PHIP: variants seen among roughly 807,000 people sequenced by gnomAD.
PHIP encodes PHIP subunit of CUL4-Ring ligase complex.
In PHIP, 54 loss-of-function variants were observed where a neutral mutation model predicts 236.8. The observed-to-expected ratio is 0.23, with a 90% confidence interval of 0.18 to 0.29. The LOEUF (loss-of-function observed/expected upper bound fraction) is 0.29. Ranked by LOEUF, PHIP falls within the 10% of genes least tolerant of loss-of-function variation. The pLI is 1.00. For missense variants in PHIP, 1,370 were observed against 2,190.8 expected, an observed-to-expected ratio of 0.63 and a Z score of 7.48; for synonymous variants, 756 against 718.9, an observed-to-expected ratio of 1.05 and a Z score of -0.83.
chr6:79,048,604 G>T (rs1772621082), intron 6 of PHIP, among the ~76,000 whole-genome samples: 1 of 151,964 alleles, frequency 6.6e-6, no homozygotes, highest in Admixed American at 6.6e-5. Context: ...ATTAACCATG[G>T]TTAAAAAAGA....
intron 27 of PHIP, among the ~76,000 whole-genome samples, chr6:78,968,311 T>C (rs977966251): frequency 6.6e-6 from 1 of 152,134 alleles, no homozygotes; most frequent in African/African-American, 2.4e-5. Context: ...AGTATCAGAG[T>C]TGATTCTTGA....
chr6:79,054,279 G>C (rs1333851687), intron 6 of PHIP, among the ~76,000 whole-genome samples: 1 of 140,582 alleles, frequency 7.1e-6, no homozygotes, highest in Non-Finnish European at 1.5e-5. Context: ...ATCATTCAGG[G>C]AAAACACTAA....
intron 15 of PHIP, among the ~76,000 whole-genome samples, chr6:79,013,601 A>C (rs560816140): frequency 2.6e-5 from 4 of 151,688 alleles, no homozygotes; most frequent in Non-Finnish European, 5.9e-5. Context: ...GTCTAAGAGC[A>C]AATCACTTAA....
At chr6:79,054,893 C>T (rs1169006846) in intron 6 of PHIP, among the ~76,000 whole-genome samples, 1 of 151,368 alleles carries the variant, frequency 6.6e-6, no homozygotes, top group African/African-American at 2.4e-5. Context: ...TTTATTCAAA[C>T]TAGTCTTCTC....
intron 39 of PHIP, among the ~76,000 whole-genome samples, chr6:78,944,592 G>A: frequency 6.6e-6 from 1 of 152,186 alleles, no homozygotes; most frequent in East Asian, 1.9e-4. Flanking sequence ...TTGCTGAAGA[G>A]AAGGCTAGGA....
chr6:78,994,088 T>C lies in PHIP; in HGVS notation c.2202-3103A>G, dbSNP rs1206122064. ...AAGACATCAGTGGAAGAAGTTACTG[T>C]AGATGTAATGGAAACGGCAAGAGAA... On this transcript the variant is annotated intron_variant, in intron 19 of 39. Coordinates refer to ENST00000275034, the MANE Select transcript of PHIP (RefSeq NM_017934.7). Among the ~76,000 whole-genome samples the C allele has an allele frequency of 5.3e-5, 8 of 152,126 alleles. No homozygotes were observed. In the East Asian group the frequency reaches 1.5e-3, roughly 29 times the overall value.
rs751061021 is a variant in PHIP at position 78,985,400 on chromosome 6, C to T, written c.2489G>A (p.Gly830Glu). The T allele has an allele frequency of 1.9e-6, 3 of 1,597,960 alleles. No individual in the cohort carries two copies. Among genetic ancestry groups the T allele is most frequent in the African/African-American group, 1.3e-5 (1 of 74,524 alleles). ...DEGEVVAVSG[G>E]TSEEEERAWH... Reference sequence around the variant, plus strand: ...TGCTCTCTCTTCTTCTTCGGATGTTCCACCACTGACAGCAACTACTTCGCC... The same window carrying T: ...TGCTCTCTCTTCTTCTTCGGATGTTTCACCACTGACAGCAACTACTTCGCC... Residue 830 changes from glycine to glutamate, a missense_variant, in exon 22 of 40, where the codon GGA (glycine) becomes GAA (glutamate). By Grantham distance (98) the Gly-to-Glu change is moderately conservative. Transcript: ENST00000275034.
intron 39 of PHIP, among the ~76,000 whole-genome samples, chr6:78,943,281 T>C (rs956648578): frequency 1.3e-5 from 2 of 152,184 alleles, no homozygotes; most frequent in East Asian, 3.9e-4. Flanking sequence ...TAATGTTAAC[T>C]AATAGATAAT....
chr6:78,997,044 G>A (rs1769667862), intron 19 of PHIP, among the ~76,000 whole-genome samples: 1 of 150,070 alleles, frequency 6.7e-6, no homozygotes, highest in Non-Finnish European at 1.5e-5. Context: ...AATATCATGT[G>A]AATGGCTGGC....
At chr6:79,004,380 T>C in intron 15 of PHIP, 1 of 984,154 alleles carries the variant, frequency 1.0e-6, no homozygotes, top group Non-Finnish European at 1.2e-6. Flanking sequence ...TACCTGATAA[T>C]TGTTTTCTGT....
At chr6:78,962,583 C>A (rs1022974139) in intron 30 of PHIP, among the ~76,000 whole-genome samples, 4 of 152,116 alleles carry the variant, frequency 2.6e-5, no homozygotes, top group Non-Finnish European at 5.9e-5. Flanking sequence ...CAAACCACCA[C>A]ATAATCTAGT....
Position 79,016,537 on chromosome 6 carries a change from C to A in PHIP, c.1235+7G>T. ...ATATACATAATATTTCAAATTTGAC[C>A]TCTTACCCTGCTGGACGAGTAGCCA... On this transcript the variant is annotated splice_region_variant and intron_variant, in intron 13 of 39. Coordinates refer to ENST00000275034, the MANE Select transcript of PHIP (RefSeq NM_017934.7). 6.3e-7 allele frequency: 1 copy of A among 1,581,104 alleles called. No individual in the cohort carries two copies. Among genetic ancestry groups the A allele is most frequent in the Non-Finnish European group, 8.7e-7 (1 of 1,151,530 alleles).
intron 7 of PHIP, among the ~76,000 whole-genome samples, chr6:79,039,400 T>C (rs1352736824): frequency 6.6e-6 from 1 of 152,170 alleles, no homozygotes; most frequent in Non-Finnish European, 1.5e-5. Context: ...CTGTTACTTC[T>C]CTAGTAAATT....
intron 34 of PHIP, 45 bp downstream of exon 34, chr6:78,955,187 T>C: frequency 7.4e-7 from 1 of 1,347,490 alleles, no homozygotes; most frequent in Non-Finnish European, 1.0e-6. Context: ...CTTAATACAT[T>C]TTAATTCATA....
Position 78,945,388 on chromosome 6 carries a change from T to G in PHIP, c.4740A>C (p.Glu1580Asp). 1 of 1,613,510 alleles carries G rather than the reference T, an allele frequency of 6.2e-7. No individual in the cohort carries two copies. Among genetic ancestry groups the G allele is most frequent in the Non-Finnish European group, 8.5e-7 (1 of 1,179,426 alleles). Residue 1580 changes from glutamate (E) to aspartate (D), a missense_variant, in exon 39 of 40, where the codon GAA becomes GAC. Around this residue, in one of 14 missense-constraint regions of PHIP, gnomAD observed 309 missense variants for 328.3 expected, o/e 0.94. Transcript: ENST00000275034. Reference sequence around the variant, plus strand: ...TTTTACGTTTGACTGGCTTTTCCTTTTCCATGTTTTCTTTTGCAGAATTAT... The same window carrying G: ...TTTTACGTTTGACTGGCTTTTCCTTGTCCATGTTTTCTTTTGCAGAATTAT... ...TRNNSAKENM[E>D]KEKPVKRKMK...
intron 7 of PHIP, among the ~76,000 whole-genome samples, chr6:79,036,730 G>A (rs1172469972): frequency 6.6e-6 from 1 of 151,820 alleles, no homozygotes; most frequent in African/African-American, 2.4e-5. Context: ...GACCATCCTG[G>A]CTAACATGGT....
chr6:78,984,321 T>C (rs887552622), intron 22 of PHIP, among the ~76,000 whole-genome samples: 9 of 152,210 alleles, frequency 5.9e-5, no homozygotes, highest in Non-Finnish European at 1.0e-4. Context: ...TATTCTAAAA[T>C]AGGTTGTCTT....
chr6:78,959,678 A>T (rs1766647841), intron 31 of PHIP, among the ~76,000 whole-genome samples: 1 of 152,176 alleles, frequency 6.6e-6, no homozygotes, highest in African/African-American at 2.4e-5. Flanking sequence ...TCAGGTTGGA[A>T]AACAGGCAAT....
At chr6:78,978,831 T>C in intron 23 of PHIP, 120 bp from the exon 24 acceptor site, 2 of 704,520 alleles carry the variant, frequency 2.8e-6, no homozygotes, top group Non-Finnish European at 4.3e-6. Flanking sequence ...CATTGTACAA[T>C]ATTATATACA....
Sources: gnomAD v4.1 joint callset for allele counts (sites outside exome capture counted in the v4.1 genomes callset) on GRCh38, gnomAD v4.1.1 for gene constraint, gnomAD v4.1.1 regional missense constraint, MANE v1.5 for transcripts, NCBI Gene and HGNC (gene_info 2026-07-23, HGNC 2026-07-21) for gene names.